The following BARX2 variants were observed in gnomAD, a reference collection of about 807,000 sequenced individuals.
BARX2 encodes homeobox protein BarH-like 2.
Under a neutral mutation model 25.5 loss-of-function variants are expected in BARX2, and 11 were observed. The observed-to-expected ratio is 0.43, with a 90% CI of 0.27 to 0.71. BARX2 has a LOEUF of 0.71. Ranked by LOEUF, BARX2 falls within the 30% of genes least tolerant of loss-of-function variation. The pLI, the probability that BARX2 is intolerant of heterozygous loss-of-function variation, is 0.19. For synonymous variants in BARX2, 137 were observed against 149.5 expected (o/e 0.92, Z 0.61); for missense variants, 360 against 359.9 (o/e 1.00, Z 0.00).
chr11:129,386,737 T>C (rs183900923), intron 1 of BARX2, among the ~76,000 whole-genome samples: 72 of 152,384 alleles, frequency 4.7e-4, no homozygotes, highest in African/African-American at 1.7e-3. Context: ...GAAATGTTGC[T>C]ATTAGACATT....
intron 3 of BARX2, among the ~76,000 whole-genome samples, chr11:129,448,828 G>A (rs950148196): frequency 1.1e-4 from 16 of 152,268 alleles, no homozygotes; most frequent in Non-Finnish European, 1.8e-4. Context: ...ATGAGTGAAC[G>A]AACAAAACAT....
chr11:129,429,537 A>AG (rs1862106141), intron 1 of BARX2, among the ~76,000 whole-genome samples: 1 of 152,160 alleles, frequency 6.6e-6, no homozygotes, highest in Non-Finnish European at 1.5e-5. Flanking sequence ...AGGAAAAAAA[A>AG]CGGAAGTTCA....
chr11:129,413,764 A>T (rs1190526766), intron 1 of BARX2, among the ~76,000 whole-genome samples: 1 of 152,074 alleles, frequency 6.6e-6, no homozygotes, highest in African/African-American at 2.4e-5. Flanking sequence ...GACAGCAGGG[A>T]TGTGAGAATG....
intron 1 of BARX2, among the ~76,000 whole-genome samples, chr11:129,409,788 T>C (rs1176195101): frequency 1.3e-5 from 2 of 152,208 alleles, no homozygotes; most frequent in Non-Finnish European, 2.9e-5. Flanking sequence ...CTTTTTTCAT[T>C]CATTGTTAAG....
intron 1 of BARX2, among the ~76,000 whole-genome samples, chr11:129,433,301 C>T (rs1434326246): frequency 6.6e-6 from 1 of 152,028 alleles, no homozygotes; most frequent in Non-Finnish European, 1.5e-5. Context: ...AAATGCACCC[C>T]CTCTCACTGC....
intron 3 of BARX2, among the ~76,000 whole-genome samples, chr11:129,448,310 T>C (rs1862355283): frequency 6.6e-6 from 1 of 152,172 alleles, no homozygotes; most frequent in East Asian, 1.9e-4. Context: ...TTTAAAAATT[T>C]TGTGCTGTGA....
rs755322307 is a variant in BARX2, at chr11:129,376,837, G to A, written c.187+615G>A. On this transcript the variant is annotated intron_variant, in intron 1 of 3. Coordinates refer to ENST00000281437, the MANE Select transcript of BARX2 (RefSeq NM_003658.5). The surrounding 1 kb of genome is among the most constrained non-coding windows in gnomAD (Gnocchi z 4.2). The stretch of plus-strand genomic sequence containing the variant: ...AAGGTCACCCTCGTTTGTCTTAAGT[G>A]ACCAAAACCAGCAATGGTAACAATG... Among the ~76,000 whole-genome samples, 2 of 152,182 alleles carry A rather than the reference G, an allele frequency of 1.3e-5. No homozygotes were observed. Among genetic ancestry groups the A allele is most frequent in the African/African-American group, 2.4e-5 (1 of 41,442 alleles).
At chr11:129,378,335 T>C (rs1861525316) in intron 1 of BARX2, among the ~76,000 whole-genome samples, 1 of 152,232 alleles carries the variant, frequency 6.6e-6, no homozygotes, top group Admixed American at 6.5e-5. Context: ...GGGTTTACAG[T>C]TACAGTTAAA....
intron 1 of BARX2, among the ~76,000 whole-genome samples, chr11:129,435,739 T>A (rs1862180576): frequency 6.6e-6 from 1 of 152,246 alleles, no homozygotes; most frequent in Non-Finnish European, 1.5e-5. Context: ...GATAAAATGA[T>A]TCACATAGGT....
upstream of BARX2, among the ~76,000 whole-genome samples, chr11:129,375,363 G>A (rs897113260): frequency 6.6e-6 from 1 of 152,190 alleles, no homozygotes; most frequent in Non-Finnish European, 1.5e-5. The surrounding 1 kb of genome is among the most constrained non-coding windows in gnomAD (Gnocchi z 4.0). Context: ...AGTCCCGGGA[G>A]CCTAGTGAGG....
intron 2 of BARX2, among the ~76,000 whole-genome samples, chr11:129,441,001 C>T (rs113739575): frequency 6.6e-6 from 1 of 152,196 alleles, no homozygotes; most frequent in Non-Finnish European, 1.5e-5. Flanking sequence ...GCAGGGCTGG[C>T]GTGGCAGTGA....
At chr11:129,435,991 C>A (rs1194383751) in intron 1 of BARX2, among the ~76,000 whole-genome samples, 1 of 152,204 alleles carries the variant, frequency 6.6e-6, no homozygotes, top group Non-Finnish European at 1.5e-5. Context: ...GCCTGAGAAT[C>A]CTCCTTAACA....
intron 1 of BARX2, among the ~76,000 whole-genome samples, chr11:129,402,473 A>C (rs1861787179): frequency 6.6e-6 from 1 of 152,194 alleles, no homozygotes; most frequent in Non-Finnish European, 1.5e-5. Flanking sequence ...TGAATGTAAA[A>C]ATCAGTGCAT....
chr11:129,401,031 C>T (rs1861770079), intron 1 of BARX2, among the ~76,000 whole-genome samples: 1 of 152,136 alleles, frequency 6.6e-6, no homozygotes, highest in Non-Finnish European at 1.5e-5. Flanking sequence ...GCCAGCAGTA[C>T]CAGTGATATC....
At chr11:129,388,379 C>G (rs1381338025) in intron 1 of BARX2, among the ~76,000 whole-genome samples, 1 of 152,074 alleles carries the variant, frequency 6.6e-6, no homozygotes, top group African/African-American at 2.4e-5. Context: ...CCTCACTGCC[C>G]TGGGGTCTGT....
At position 129,376,465 on chromosome 11, in the gene BARX2, G is replaced by A. The variant is rs1035637623; in HGVS notation, c.187+243G>A. On this transcript the variant is annotated intron_variant, in intron 1 of 3. Coordinates refer to ENST00000281437, the MANE Select transcript of BARX2 (RefSeq NM_003658.5). This position sits in a 1 kb window ranked among gnomAD's most constrained non-coding sequence, Gnocchi z 4.2. ...CTTAGGAGTGGGCTGCTCGCGCAACGCCTGATTGTCCTGCTCGGAGGAGAA... is the reference window on the plus strand; with the variant it reads ...CTTAGGAGTGGGCTGCTCGCGCAACACCTGATTGTCCTGCTCGGAGGAGAA... Among the ~76,000 whole-genome samples, 1 of 152,248 alleles carries A rather than the reference G, an allele frequency of 6.6e-6. No individual in the cohort carries two copies. The highest frequency in any genetic ancestry group is 2.4e-5 in the African/African-American group (1 of 41,470).
At chr11:129,411,168 G>A (rs544518732) in intron 1 of BARX2, among the ~76,000 whole-genome samples, 1 of 152,132 alleles carries the variant, frequency 6.6e-6, no homozygotes, top group Admixed American at 6.5e-5. Context: ...TCAAGAGTTC[G>A]AGACCATCCT....
At chr11:129,448,623 C>A (rs1024172101) in intron 3 of BARX2, among the ~76,000 whole-genome samples, 4 of 152,198 alleles carry the variant, frequency 2.6e-5, no homozygotes, top group African/African-American at 9.7e-5. Context: ...CAGCCATCAA[C>A]AAGTGTTGGT....
chr11:129,391,827 C>A (rs1369195989), intron 1 of BARX2, among the ~76,000 whole-genome samples: 1 of 152,178 alleles, frequency 6.6e-6, no homozygotes, highest in African/African-American at 2.4e-5. Context: ...CAGCCCCGAC[C>A]GGTTTTCCCA....
Sources: gnomAD v4.1 joint callset for allele counts (sites outside exome capture counted in the v4.1 genomes callset) on GRCh38, gnomAD v4.1.1 for gene constraint, Gnocchi (gnomAD v3.1) non-coding constraint, MANE v1.5 for transcripts, NCBI Gene and HGNC (gene_info 2026-07-23, HGNC 2026-07-21) for gene names.